Variants in GIT2 observed in about 807,000 individuals in gnomAD.
The protein encoded by GIT2 is GIT ArfGAP 2.
GIT2 carries 32 observed loss-of-function variants against 100.3 expected under a neutral mutation model. That is an observed-to-expected ratio of 0.32 (90% CI 0.24 to 0.43). The LOEUF (loss-of-function observed/expected upper bound fraction) is 0.43, where lower values mean the gene tolerates loss of function less well. Among genes scored for constraint, GIT2 ranks in the 20% least tolerant of loss-of-function variants. GIT2 has a pLI of 1.00. For missense variants in GIT2, 737 were observed against 975.1 expected (o/e 0.76, Z 3.25); for synonymous variants, 353 against 364.1 (o/e 0.97, Z 0.35).
intron 9 of GIT2, 86 bp downstream of exon 9, chr12:109,965,440 G>T: frequency 1.3e-6 from 1 of 747,560 alleles, no homozygotes; most frequent in Non-Finnish European, 2.3e-6. Flanking sequence ...GTCATCAGAC[G>T]CAATAGGTAA....
chr12:109,952,644 G>T, intron 13 of GIT2: 1 of 519,434 alleles, frequency 1.9e-6, no homozygotes, highest in South Asian at 1.4e-5. Flanking sequence ...CCCTTGAGGC[G>T]CATCTTAAGA....
At chr12:109,990,046 AG>A (rs1222257468) in intron 2 of GIT2, among the ~76,000 whole-genome samples, 1 of 152,188 alleles carries the variant, frequency 6.6e-6, no homozygotes, top group Non-Finnish European at 1.5e-5. Flanking sequence ...TCTGTATGAA[AG>A]AAAAAAAAGT....
Position 109,962,288 on chromosome 12 carries a change from G to T in GIT2, c.817-603C>A, listed in dbSNP as rs1881297246. On this transcript the variant is annotated intron_variant, in intron 9 of 19. Transcript: ENST00000355312. The surrounding 1 kb of genome is among the most constrained non-coding windows in gnomAD (Gnocchi z 4.3). Reference sequence around the variant, plus strand: ...GGATCACTTCAGCCCAGGATATCAAGGCTGCAGTGAGCCAAGATCACACCA... The same window carrying T: ...GGATCACTTCAGCCCAGGATATCAATGCTGCAGTGAGCCAAGATCACACCA... Among the ~76,000 whole-genome samples, 1 of 152,162 alleles carries T rather than the reference G, an allele frequency of 6.6e-6. No homozygotes were observed. The highest frequency in any genetic ancestry group is 1.5e-5 in the Non-Finnish European group (1 of 68,010).
At chr12:109,957,509 ATTT>A (rs111395877) in intron 12 of GIT2, among the ~76,000 whole-genome samples, 1 of 144,130 alleles carries the variant, frequency 6.9e-6, no homozygotes, top group African/African-American at 2.5e-5. Flanking sequence ...ATAAGTATGT[ATTT>A]TTTTTTTTTT....
intron 4 of GIT2, among the ~76,000 whole-genome samples, chr12:109,984,918 A>C (rs1887040627): frequency 6.6e-6 from 1 of 152,094 alleles, no homozygotes. Context: ...CCTCTCTACC[A>C]CATTATTCTT....
At chr12:109,965,638 A>G (rs903074355) in intron 8 of GIT2, 61 bp from the exon 9 acceptor site, 40 of 1,013,866 alleles carry the variant, frequency 3.9e-5, no homozygotes, top group Non-Finnish European at 6.1e-5. Context: ...AACTCTGTAA[A>G]GTTTAAGACA....
At position 109,948,187 on chromosome 12, in the gene GIT2, A is replaced by G. The variant is rs947414538; in HGVS notation, c.1393-683T>C. The G allele has an allele frequency of 3.0e-6, 3 of 983,706 alleles. No individual in the cohort carries two copies. The highest frequency in any genetic ancestry group is 3.6e-6 in the Non-Finnish European group (3 of 828,490). The allele number at this position is 983,706 out of a possible 1,614,324, so 60.9% of individuals were successfully genotyped here. ...AGTTTGCTATATTAACATATCACGA[A>G]GAAAACTGGAAACCTATTGATCTAT... On this transcript the variant is annotated intron_variant, in intron 14 of 19. Coordinates refer to ENST00000355312, the MANE Select transcript of GIT2 (RefSeq NM_057169.5). The surrounding 1 kb of genome is among the most constrained non-coding windows in gnomAD (Gnocchi z 4.3).
In GIT2 at chr12:109,948,557, C is replaced by T. The variant is rs1876963877; in HGVS notation, c.1393-1053G>A. ...CACCACGTCCATTCTGCGCAGGGTCCTTCCCTTCTGGTGCGCCTTCATCTT... is the reference window on the plus strand; with the variant it reads ...CACCACGTCCATTCTGCGCAGGGTCTTTCCCTTCTGGTGCGCCTTCATCTT... On this transcript the variant is annotated intron_variant, in intron 14 of 19. Coordinates refer to ENST00000355312, the MANE Select transcript of GIT2 (RefSeq NM_057169.5). The surrounding 1 kb of genome is among the most constrained non-coding windows in gnomAD (Gnocchi z 4.3). 1.5e-6 allele frequency: 2 copies of T among 1,367,662 alleles called. No individual in the cohort carries two copies. Among genetic ancestry groups the T allele is most frequent in the African/African-American group, 1.5e-5 (1 of 67,758 alleles). 84.7% of individuals were successfully genotyped at this position (1,367,662 alleles called of 1,614,324 possible).
chr12:109,951,664 T>C (rs987062076), intron 13 of GIT2, among the ~76,000 whole-genome samples: 16 of 152,240 alleles, frequency 1.1e-4, no homozygotes, highest in African/African-American at 3.9e-4. Flanking sequence ...ACATTTTCAT[T>C]GAACATTAGG....
intron 9 of GIT2, among the ~76,000 whole-genome samples, chr12:109,963,032 G>A (rs574782840): frequency 6.6e-6 from 1 of 152,198 alleles, no homozygotes; most frequent in South Asian, 2.1e-4. Flanking sequence ...ACAAGTGCTG[G>A]TTACAGAGAC....
intron 16 of GIT2, 50 bp downstream of exon 16, chr12:109,945,210 A>G (rs1237618489): frequency 3.3e-6 from 3 of 908,404 alleles, no homozygotes; most frequent in Non-Finnish European, 1.8e-6. Context: ...CAAAGCGCCC[A>G]GGAGCACGGC....
chr12:109,960,984 T>C (rs778365557), intron 11 of GIT2, among the ~76,000 whole-genome samples: 3 of 152,228 alleles, frequency 2.0e-5, no homozygotes, highest in Non-Finnish European at 2.9e-5. Context: ...ATTTGACTGA[T>C]AAAACTTGCA....
chr12:109,944,840 A>G (rs1014670784), intron 16 of GIT2, among the ~76,000 whole-genome samples: 2 of 151,412 alleles, frequency 1.3e-5, no homozygotes, highest in Non-Finnish European at 1.5e-5. Flanking sequence ...AAAAAAAAAA[A>G]GGCATGACAT....
intron 16 of GIT2, among the ~76,000 whole-genome samples, chr12:109,942,159 A>G (rs1047122479): frequency 6.6e-6 from 1 of 152,038 alleles, no homozygotes; most frequent in African/African-American, 2.4e-5. Context: ...TGGTTTTTAT[A>G]TATACACCCA....
At chr12:109,974,713 T>C (rs1194668812) in intron 7 of GIT2, among the ~76,000 whole-genome samples, 3 of 152,248 alleles carry the variant, frequency 2.0e-5, no homozygotes, top group South Asian at 2.1e-4. Flanking sequence ...ATGTTCAATA[T>C]GTACTTGAAA....
intron 1 of GIT2, among the ~76,000 whole-genome samples, chr12:109,992,631 C>G (rs1247429247): frequency 6.6e-6 from 1 of 152,072 alleles, no homozygotes; most frequent in East Asian, 1.9e-4. Flanking sequence ...CTGGCCTCTT[C>G]CATTAGGAAA....
intron 7 of GIT2, among the ~76,000 whole-genome samples, chr12:109,976,167 T>A (rs181493016): frequency 9.1e-4 from 139 of 152,104 alleles, no homozygotes; most frequent in African/African-American, 3.1e-3. Context: ...AGAAATCCTA[T>A]TTTACATTTC....
chr12:109,976,330 G>C (rs1380247506), intron 7 of GIT2, among the ~76,000 whole-genome samples: 1 of 147,576 alleles, frequency 6.8e-6, no homozygotes, highest in African/African-American at 2.5e-5. Context: ...TGTCGCCCAG[G>C]TTGGAGTGCA....
In GIT2 at chr12:109,991,940, T is replaced by C. The variant is rs1888477544; in HGVS notation, c.53-180A>G. On this transcript the variant is annotated intron_variant, in intron 1 of 19. Coordinates refer to ENST00000355312, the MANE Select transcript of GIT2 (RefSeq NM_057169.5). ...GTATGACCTACCTTGGCTGATTAGG[T>C]ACAATGTTAATTGAGACTAAAAACA... 6 of 550,432 alleles carry C rather than the reference T, an allele frequency of 1.1e-5. No individual in the cohort carries two copies. In the South Asian group the frequency reaches 1.4e-4, roughly 13 times the overall value. The allele number at this position is 550,432 out of a possible 1,614,324, so 34.1% of individuals were successfully genotyped here. A position where few individuals can be genotyped will look rare whatever the true frequency, so the allele number is the denominator to read the frequency against.
Sources: allele counts gnomAD v4.1 joint callset (sites outside exome capture counted in the v4.1 genomes callset), GRCh38; gene constraint gnomAD v4.1.1; non-coding constraint Gnocchi (gnomAD v3.1); transcripts MANE v1.5; gene names NCBI Gene and HGNC (gene_info 2026-07-23, HGNC 2026-07-21).